DENND1A: variants seen among roughly 807,000 people sequenced by gnomAD.
The protein encoded by DENND1A is DENN domain containing 1A.
A neutral mutation model predicts 113.7 loss-of-function variants in DENND1A; 51 were observed. The observed-to-expected ratio is 0.45, with a 90% confidence interval of 0.36 to 0.57. DENND1A has a LOEUF of 0.57. DENND1A is among the 20% of genes least tolerant of loss of function. The pLI is 0.00. For synonymous variants in DENND1A, 565 were observed against 570.8 expected (o/e 0.99, Z 0.14); for missense variants, 1,258 against 1,395.9 (o/e 0.90, Z 1.57).
chr9:123,402,336 G>C (rs2131303138), intron 21 of DENND1A, among the ~76,000 whole-genome samples: 1 of 152,326 alleles, frequency 6.6e-6, no homozygotes, highest in East Asian at 1.9e-4. Context: ...GTTCCTTAAA[G>C]ACCGTACCCT....
At chr9:123,838,259 G>A (rs1841325929) in intron 2 of DENND1A, among the ~76,000 whole-genome samples, 2 of 151,928 alleles carry the variant, frequency 1.3e-5, no homozygotes, top group Non-Finnish European at 2.9e-5. Context: ...TATAAAATGA[G>A]GACAATAATT....
chr9:123,659,332 A>T (rs1280539377), intron 8 of DENND1A, among the ~76,000 whole-genome samples: 3 of 152,216 alleles, frequency 2.0e-5, no homozygotes, highest in Non-Finnish European at 4.4e-5. Context: ...CATCTGCCAC[A>T]CCAGTTCCAA....
At chr9:123,654,145 T>A (rs955628198) in intron 8 of DENND1A, among the ~76,000 whole-genome samples, 3 of 152,228 alleles carry the variant, frequency 2.0e-5, no homozygotes, top group African/African-American at 7.2e-5. Flanking sequence ...GAGCTAATGA[T>A]GTAAGGGTGG....
intron 18 of DENND1A, among the ~76,000 whole-genome samples, chr9:123,447,509 T>G (rs77483144): frequency 0.08 from 12,185 of 152,204 alleles, 547 homozygotes; most frequent in Middle Eastern, 0.14. Context: ...TGGTGACCTC[T>G]CCACAGGTCG....
At position 123,705,427 on chromosome 9, in the gene DENND1A, T is replaced by C. The variant is rs189688435; in HGVS notation, c.303-28638A>G. 4.3e-4 allele frequency among the ~76,000 whole-genome samples: 65 copies of C among 152,240 alleles called. 1 individual carries two copies. The East Asian group carries it at 9.3e-3, about 22-fold the overall frequency. Reference sequence around the variant, plus strand: ...AGTGGTTATTTATAAATTACATAATTTTATATCTGAAATCCAAAAGGATAT... The same window carrying C: ...AGTGGTTATTTATAAATTACATAATCTTATATCTGAAATCCAAAAGGATAT... On this transcript the variant is annotated intron_variant, in intron 5 of 23. Transcript: ENST00000394215.
chr9:123,853,537 G>A (rs574665209), intron 2 of DENND1A, among the ~76,000 whole-genome samples: 2 of 151,826 alleles, frequency 1.3e-5, no homozygotes, highest in East Asian at 2.0e-4. Flanking sequence ...GGTGGCAGGC[G>A]CCTGTAATCC....
At chr9:123,397,684 G>A (rs2043205177) in intron 21 of DENND1A, among the ~76,000 whole-genome samples, 1 of 152,198 alleles carries the variant, frequency 6.6e-6, no homozygotes, top group African/African-American at 2.4e-5. Flanking sequence ...GACTGGGCAT[G>A]GATCTCCAGG....
In DENND1A at chr9:123,744,768, CTCT is replaced by C. The variant is rs1417439179; in HGVS notation, c.302+12932_302+12934del. Among the ~76,000 whole-genome samples the C allele has an allele frequency of 9.4e-5, 13 of 137,948 alleles. 1 individual carries two copies. The highest frequency in any genetic ancestry group is 3.0e-4 in the African/African-American group (10 of 33,756). The allele number at this position is 137,948 out of a possible 152,430, so 90.5% of individuals were successfully genotyped here. A position where few individuals can be genotyped will look rare whatever the true frequency, so the allele number is the denominator to read the frequency against. On this transcript the variant is annotated intron_variant, in intron 5 of 23. Transcript: ENST00000394215. ...TACCAATATTCTTTACTTATATTAG[CTCT>C]TTTTTTTTTTTTTTTTTTTTTGACA...
intron 7 of DENND1A, among the ~76,000 whole-genome samples, chr9:123,668,391 TAATC>T (rs1257740284): frequency 1.3e-5 from 2 of 152,254 alleles, no homozygotes; most frequent in African/African-American, 4.8e-5. Context: ...ACTTGTCTAA[TAATC>T]AACAGATATT....
At chr9:123,505,485 C>T (rs2052847591) in intron 13 of DENND1A, among the ~76,000 whole-genome samples, 1 of 152,138 alleles carries the variant, frequency 6.6e-6, no homozygotes, top group Non-Finnish European at 1.5e-5. Context: ...GAAGTCCTAA[C>T]AAATTGAATC....
At chr9:123,680,391 C>A (rs951716280) in intron 5 of DENND1A, among the ~76,000 whole-genome samples, 1 of 152,258 alleles carries the variant, frequency 6.6e-6, no homozygotes, top group Non-Finnish European at 1.5e-5. Flanking sequence ...CCCACCGGCC[C>A]TTGTAAGGAG....
chr9:123,393,678 T>G (rs913647470), intron 21 of DENND1A, among the ~76,000 whole-genome samples: 5 of 152,314 alleles, frequency 3.3e-5, no homozygotes, highest in Admixed American at 2.6e-4. Context: ...GCTAGGACTG[T>G]TCTCAGGGAG....
At chr9:123,914,122 A>T (rs1478350213) in intron 1 of DENND1A, among the ~76,000 whole-genome samples, 2 of 152,018 alleles carry the variant, frequency 1.3e-5, no homozygotes, top group African/African-American at 4.8e-5. Context: ...GCCAAGAAAC[A>T]CAAGAAGGGT....
At chr9:123,756,937 C>A (rs1485568885) in intron 5 of DENND1A, among the ~76,000 whole-genome samples, 2 of 152,150 alleles carry the variant, frequency 1.3e-5, no homozygotes, top group African/African-American at 4.8e-5. Context: ...TCCACATGAG[C>A]AGAGAGAGAC....
chr9:123,570,825 C>T (rs7048972), intron 12 of DENND1A, among the ~76,000 whole-genome samples: 10,519 of 152,286 alleles, frequency 0.069, 429 homozygotes, highest in Non-Finnish European at 0.089. Context: ...CCAGTTCCTA[C>T]AAGCCCTGTA....
chr9:123,662,879 C>T (rs1589569380), intron 8 of DENND1A, among the ~76,000 whole-genome samples: 1 of 151,858 alleles, frequency 6.6e-6, no homozygotes, highest in Non-Finnish European at 1.5e-5. Flanking sequence ...CTGTGTGTTT[C>T]GGGGTGGGGA....
At chr9:123,388,592 T>C (rs2130976474) in intron 21 of DENND1A, among the ~76,000 whole-genome samples, 1 of 151,866 alleles carries the variant, frequency 6.6e-6, no homozygotes, top group South Asian at 2.1e-4. Context: ...CTTCAGAGAG[T>C]CTTTTTCATC....
intron 1 of DENND1A, among the ~76,000 whole-genome samples, chr9:123,907,642 A>C (rs1030217482): frequency 3.3e-5 from 5 of 150,224 alleles, no homozygotes; most frequent in Non-Finnish European, 5.9e-5. Flanking sequence ...CTTACAAGGG[A>C]TGTGAAGGAC....
chr9:123,769,478 CTT>C, intron 4 of DENND1A, 34 bp downstream of exon 4: 1 of 1,567,016 alleles, frequency 6.4e-7, no homozygotes, highest in Non-Finnish European at 8.7e-7. Flanking sequence ...TTTATTGATA[CTT>C]TTTTTCTAGT....
Sources: gnomAD v4.1 joint callset for allele counts (sites outside exome capture counted in the v4.1 genomes callset) on GRCh38, gnomAD v4.1.1 for gene constraint, MANE v1.5 for transcripts, NCBI Gene and HGNC (gene_info 2026-07-23, HGNC 2026-07-21) for gene names.